Variants in AFAP1 observed in about 807,000 individuals in gnomAD.
AFAP1 encodes the protein actin filament associated protein 1.
In AFAP1, 75 loss-of-function variants were observed where a neutral mutation model predicts 93.9. That is an observed-to-expected ratio of 0.80 (90% CI 0.66 to 0.97). AFAP1 has a LOEUF of 0.97. AFAP1 is among the 50% of genes least tolerant of loss of function. AFAP1 has a pLI of 0.00. For synonymous variants in AFAP1, 517 were observed against 430.7 expected, an observed-to-expected ratio of 1.20 and a Z score of -2.48; for missense variants, 1,201 against 1,050.8, an observed-to-expected ratio of 1.14 and a Z score of -1.98.
At chr4:7,876,019 G>A (rs1376308219) in intron 1 of AFAP1, among the ~76,000 whole-genome samples, 1 of 152,118 alleles carries the variant, frequency 6.6e-6, no homozygotes, top group Non-Finnish European at 1.5e-5. Context: ...TATACCTAAT[G>A]ACACTAAATT....
chr4:7,819,194 G>T, intron 6 of AFAP1, 23 bp from the exon 7 acceptor site: 3 of 1,589,610 alleles, frequency 1.9e-6, no homozygotes, highest in South Asian at 1.1e-5. Flanking sequence ...CAGACACTTT[G>T]TGAGTATGCC....
intron 3 of AFAP1, among the ~76,000 whole-genome samples, chr4:7,857,914 T>C (rs2149148078): frequency 6.6e-6 from 1 of 152,316 alleles, no homozygotes; most frequent in South Asian, 2.1e-4. Context: ...GTCATGTACT[T>C]GGCACAACCT....
intron 13 of AFAP1, among the ~76,000 whole-genome samples, chr4:7,780,939 C>T (rs1716707114): frequency 6.6e-6 from 1 of 152,158 alleles, no homozygotes; most frequent in Admixed American, 6.5e-5. Context: ...CACTACCACA[C>T]TCTGAATAAT....
At chr4:7,775,331 A>T (rs1715986008) in intron 14 of AFAP1, 1 of 154,802 alleles carries the variant, frequency 6.5e-6, no homozygotes, top group Non-Finnish European at 1.4e-5. Context: ...CTTAAAAACG[A>T]AAACAGAATA....
At chr4:7,806,550 G>GC (rs1235784522) in intron 9 of AFAP1, among the ~76,000 whole-genome samples, 8 of 152,230 alleles carry the variant, frequency 5.3e-5, no homozygotes, top group African/African-American at 1.2e-4. Flanking sequence ...CTGGAACAGA[G>GC]AGCAGCAGCT....
At chr4:7,899,198 G>A (rs914529007) in intron 1 of AFAP1, among the ~76,000 whole-genome samples, 2 of 151,982 alleles carry the variant, frequency 1.3e-5, no homozygotes, top group African/African-American at 4.8e-5. Context: ...CCTAGATAGG[G>A]CAATGAATGA....
Position 7,908,139 on chromosome 4 carries a change from G to A in AFAP1, c.-3+31517C>T, listed in dbSNP as rs181751943. 7.3e-5 allele frequency among the ~76,000 whole-genome samples: 11 copies of A among 150,716 alleles called. No homozygotes were observed. The East Asian group carries it at 2.2e-3, about 30-fold the overall frequency. ...AGGCACGAGAATCGCTTGAACCTGG[G>A]GGGAGCACGTTGCAGTAAGCCGAGA... On this transcript the variant is annotated intron_variant, in intron 1 of 17. Transcript: ENST00000420658.
intron 8 of AFAP1, among the ~76,000 whole-genome samples, chr4:7,811,203 C>T (rs1186362997): frequency 1.3e-5 from 2 of 152,198 alleles, no homozygotes; most frequent in African/African-American, 4.8e-5. Context: ...GTGGGCAAAC[C>T]CCAGCGCCCG....
intron 6 of AFAP1, among the ~76,000 whole-genome samples, chr4:7,821,140 A>G (rs1720938123): frequency 6.6e-6 from 1 of 152,196 alleles, no homozygotes; most frequent in African/African-American, 2.4e-5. Context: ...ATATACATAT[A>G]TCTGTTACCA....
intron 8 of AFAP1, among the ~76,000 whole-genome samples, chr4:7,813,719 G>A (rs534074755): frequency 3.0e-4 from 45 of 152,298 alleles, no homozygotes; most frequent in African/African-American, 1.1e-3. Flanking sequence ...AACTTCCGAT[G>A]GACAGAACCA....
chr4:7,802,382 T>A (rs987912788), intron 9 of AFAP1, among the ~76,000 whole-genome samples: 9 of 152,212 alleles, frequency 5.9e-5, no homozygotes, highest in Non-Finnish European at 1.2e-4. Context: ...TTAGGAGGGC[T>A]GCAGGGAGGT....
At chr4:7,821,160 C>T (rs954694142) in intron 6 of AFAP1, among the ~76,000 whole-genome samples, 1 of 152,126 alleles carries the variant, frequency 6.6e-6, no homozygotes, top group Non-Finnish European at 1.5e-5. Flanking sequence ...AGCTGTGTGG[C>T]CTTGGGGGAA....
chr4:7,913,106 G>A (rs1423729393), intron 1 of AFAP1, among the ~76,000 whole-genome samples: 1 of 152,106 alleles, frequency 6.6e-6, no homozygotes, highest in Non-Finnish European at 1.5e-5. Flanking sequence ...CACTTATATG[G>A]GGCCAGGCAC....
chr4:7,904,417 G>A (rs971661202), intron 1 of AFAP1, among the ~76,000 whole-genome samples: 2 of 152,132 alleles, frequency 1.3e-5, no homozygotes, highest in African/African-American at 4.8e-5. Context: ...TAACGCCAGT[G>A]ATAGACTATG....
At chr4:7,796,121 C>T (rs1312258902) in intron 10 of AFAP1, among the ~76,000 whole-genome samples, 2 of 152,012 alleles carry the variant, frequency 1.3e-5, no homozygotes, top group African/African-American at 4.8e-5. Flanking sequence ...CTGAAAAGAC[C>T]CAGGAGCTCT....
intron 6 of AFAP1, among the ~76,000 whole-genome samples, chr4:7,829,171 A>G: frequency 6.6e-6 from 1 of 152,188 alleles, no homozygotes; most frequent in East Asian, 1.9e-4. Flanking sequence ...AGTCAATGTA[A>G]CCTCTTTCCT....
chr4:7,885,309 G>A (rs142179838), intron 1 of AFAP1, among the ~76,000 whole-genome samples: 97 of 152,256 alleles, frequency 6.4e-4, no homozygotes, highest in Non-Finnish European at 4.9e-4. Context: ...TTCTGCCCCA[G>A]GCCTCTGCAC....
intron 10 of AFAP1, among the ~76,000 whole-genome samples, chr4:7,799,410 G>A (rs917241316): frequency 3.3e-5 from 5 of 152,034 alleles, no homozygotes; most frequent in African/African-American, 9.7e-5. Flanking sequence ...CAGAAAGACT[G>A]CCTGACTGGG....
In AFAP1 at chr4:7,871,991, C is replaced by T. The variant is rs1487297882; in HGVS notation, c.88G>A (p.Val30Met). 1.2e-6 allele frequency: 2 copies of T among 1,614,084 alleles called. No individual in the cohort carries two copies. The highest frequency in any genetic ancestry group is 1.7e-5 in the Admixed American group (1 of 60,008). ...ATTCTTAGCAGAATGTTGGTTATCA[C>T]TGCCTTTTTCTCCCTGACAGTTGAG... is the stretch of plus-strand genomic sequence containing the variant. ...LTSTVREKKAVITNILLRIQS... is the reference protein window; with the variant it reads ...LTSTVREKKAMITNILLRIQS... Residue 30 changes from valine to methionine, a missense_variant, in exon 2 of 18, where the codon GTG becomes ATG. Val to Met is a conservative substitution (Grantham distance 21). Transcript: ENST00000420658.
Sources: allele counts gnomAD v4.1 joint callset (sites outside exome capture counted in the v4.1 genomes callset), GRCh38; gene constraint gnomAD v4.1.1; transcripts MANE v1.5; gene names NCBI Gene and HGNC (gene_info 2026-07-23, HGNC 2026-07-21).